ATP8A1: variants seen among roughly 807,000 people sequenced by gnomAD.
The protein encoded by ATP8A1 is ATPase phospholipid transporting 8A1.
Under a neutral mutation model 177.7 loss-of-function variants are expected in ATP8A1, and 90 were observed. The observed-to-expected ratio is 0.51, with a 90% CI of 0.43 to 0.60. ATP8A1 has a LOEUF of 0.60. ATP8A1 is among the 20% of genes least tolerant of loss of function. ATP8A1 has a pLI of 0.00. For missense variants in ATP8A1, 1,072 were observed against 1,392.8 expected, an observed-to-expected ratio of 0.77 and a Z score of 3.67; for synonymous variants, 493 against 485.9, an observed-to-expected ratio of 1.01 and a Z score of -0.19.
chr4:42,650,895 A>AT (rs774275699), intron 1 of ATP8A1, among the ~76,000 whole-genome samples: 23 of 152,238 alleles, frequency 1.5e-4, no homozygotes, highest in East Asian at 9.7e-4. Flanking sequence ...ACTGTGACTG[A>AT]TTCTGTTGTC....
chr4:42,501,876 G>GTT (rs974509288), intron 24 of ATP8A1, among the ~76,000 whole-genome samples: 1 of 152,186 alleles, frequency 6.6e-6, no homozygotes, highest in Non-Finnish European at 1.5e-5. Flanking sequence ...AGACAGCAGT[G>GTT]TTAGAATGCC....
chr4:42,461,134 G>A (rs376813666), intron 27 of ATP8A1, among the ~76,000 whole-genome samples: 2 of 152,032 alleles, frequency 1.3e-5, no homozygotes, highest in South Asian at 2.1e-4. Flanking sequence ...GAAAACTTAG[G>A]ATGAAGGATG....
Position 42,506,161 on chromosome 4 carries a change from T to C in ATP8A1, c.2086+855A>G, listed in dbSNP as rs368174088. 2.4e-4 allele frequency among the ~76,000 whole-genome samples: 37 copies of C among 152,262 alleles called. 1 individual carries two copies. In the South Asian group the frequency reaches 3.5e-3, roughly 15 times the overall value. ...GCCTGCTATGGTCTGAATGTTTGTG[T>C]TCCCCCCAAATTCATATGCTGAAAC... On this transcript the variant is annotated intron_variant, in intron 23 of 36. Coordinates refer to ENST00000381668, the MANE Select transcript of ATP8A1 (RefSeq NM_006095.2).
In ATP8A1 at chr4:42,503,451, T is replaced by C; in HGVS notation, c.2150A>G (p.Asp717Gly). The C allele has an allele frequency of 6.3e-7, 1 of 1,592,192 alleles. No homozygotes were observed. The change falls in exon 24 of 37, where the codon GAT (aspartate) becomes GGT (glycine). Residue 717 changes from aspartate to glycine, a missense_variant and splice_region_variant. Physicochemically the swap from Asp to Gly is moderately conservative, Grantham distance 94. Transcript: ENST00000381668. ...GMIVINEGSLDGTRETLSRHC... is the reference protein window; with the variant it reads ...GMIVINEGSLGGTRETLSRHC... ...TTAAAAATACATAATTTTACTTACA[T>C]CAAGAGAGCCTTCATTTATAACAAT...
intron 30 of ATP8A1, 32 bp from the exon 31 acceptor site, chr4:42,446,676 A>G: frequency 6.4e-7 from 1 of 1,574,588 alleles, no homozygotes; most frequent in Non-Finnish European, 8.7e-7. Context: ...ATTAGAAAGG[A>G]AAATGAGATT....
At chr4:42,596,491 G>A (rs1312691113) in intron 6 of ATP8A1, among the ~76,000 whole-genome samples, 5 of 151,684 alleles carry the variant, frequency 3.3e-5, no homozygotes, top group Non-Finnish European at 7.4e-5. Context: ...CCAATATGGC[G>A]AAACCCTGTC....
At chr4:42,628,762 T>C (rs961219763) in intron 1 of ATP8A1, among the ~76,000 whole-genome samples, 7 of 152,206 alleles carry the variant, frequency 4.6e-5, no homozygotes, top group African/African-American at 1.2e-4. Context: ...TAGGTCTTCC[T>C]TCGTGGTAGC....
chr4:42,434,691 C>A (rs1342464784), intron 33 of ATP8A1, among the ~76,000 whole-genome samples: 3 of 152,160 alleles, frequency 2.0e-5, no homozygotes, highest in Non-Finnish European at 4.4e-5. Flanking sequence ...ATATGATTAG[C>A]TTTTGGTCAA....
rs137987632 is a variant in ATP8A1, at chr4:42,424,634, T to C, written c.3124-929A>G. 5.5e-3 allele frequency among the ~76,000 whole-genome samples: 842 copies of C among 152,312 alleles called. 4 individuals carry two copies. The highest frequency in any genetic ancestry group is 8.5e-3 in the Non-Finnish European group (578 of 68,016). ...TTCTAGGCAATTTCAAAATTACACA[T>C]AAATAGTCCTAATCAATCAGTCCTT... On this transcript the variant is annotated intron_variant, in intron 33 of 36. Transcript: ENST00000381668.
chr4:42,466,264 A>G (rs1021328926), intron 25 of ATP8A1, among the ~76,000 whole-genome samples: 1 of 152,232 alleles, frequency 6.6e-6, no homozygotes, highest in Non-Finnish European at 1.5e-5. Context: ...TAAATTATTT[A>G]TCAAGGTTAT....
intron 5 of ATP8A1, among the ~76,000 whole-genome samples, chr4:42,610,072 T>C (rs888853634): frequency 1.3e-5 from 2 of 152,086 alleles, no homozygotes; most frequent in African/African-American, 4.8e-5. Context: ...GTTACTACCC[T>C]GATATCTGCT....
intron 1 of ATP8A1, among the ~76,000 whole-genome samples, chr4:42,650,172 G>C (rs116153085): frequency 0.015 from 2,318 of 152,206 alleles, 54 homozygotes; most frequent in African/African-American, 0.049. Flanking sequence ...TGAAATGACA[G>C]AAAAAACAAA....
intron 27 of ATP8A1, 49 bp from the exon 28 acceptor site, chr4:42,455,648 T>C (rs772553237): frequency 3.2e-6 from 5 of 1,545,836 alleles, no homozygotes; most frequent in African/African-American, 1.4e-5. Context: ...AAAGCATAAA[T>C]GCATTGCTTA....
intron 24 of ATP8A1, among the ~76,000 whole-genome samples, chr4:42,495,491 T>C (rs754436619): frequency 6.6e-6 from 1 of 152,232 alleles, no homozygotes; most frequent in Non-Finnish European, 1.5e-5. Flanking sequence ...ACTACATTTA[T>C]GTACAACTGG....
chr4:42,472,024 T>G (rs1291607744), intron 25 of ATP8A1: 3 of 720,614 alleles, frequency 4.2e-6, no homozygotes, highest in East Asian at 2.6e-5. Flanking sequence ...CTGAAATCTT[T>G]CCAGAAAATC....
intron 25 of ATP8A1, among the ~76,000 whole-genome samples, chr4:42,474,932 G>A (rs542612475): frequency 6.6e-6 from 1 of 152,006 alleles, no homozygotes; most frequent in Non-Finnish European, 1.5e-5. Context: ...AATCATAATA[G>A]ATGGAAACCA....
intron 16 of ATP8A1, among the ~76,000 whole-genome samples, chr4:42,553,706 C>T (rs1350003129): frequency 2.0e-5 from 3 of 152,048 alleles, no homozygotes; most frequent in African/African-American, 7.3e-5. Context: ...GAACAGTGGA[C>T]TAAACAGACA....
intron 6 of ATP8A1, among the ~76,000 whole-genome samples, chr4:42,591,353 TA>T (rs200270094): frequency 2.6e-5 from 4 of 151,236 alleles, no homozygotes; most frequent in Admixed American, 6.6e-5. Flanking sequence ...CTGCCCCACT[TA>T]AAAAAAAACT....
At chr4:42,588,506 A>C in intron 7 of ATP8A1, 177 bp from the exon 8 acceptor site, 1 of 525,310 alleles carries the variant, frequency 1.9e-6, no homozygotes. Context: ...CCCATGCATG[A>C]CAACTCACGG....
Sources: allele counts gnomAD v4.1 joint callset (sites outside exome capture counted in the v4.1 genomes callset), GRCh38; gene constraint gnomAD v4.1.1; transcripts MANE v1.5; gene names NCBI Gene and HGNC (gene_info 2026-07-23, HGNC 2026-07-21).